Variants in CHIA observed in about 807,000 individuals in gnomAD.
CHIA encodes the protein acidic mammalian chitinase.
CHIA carries 47 observed loss-of-function variants against 53.5 expected under a neutral mutation model. The observed-to-expected ratio is 0.88, with a 90% confidence interval of 0.70 to 1.12. The LOEUF is 1.12. CHIA is among the 50% of genes most tolerant of loss of function. The probability of loss-of-function intolerance (pLI) is 0.00; values close to 1 mark genes in which losing one functional copy is unlikely to be tolerated. For missense variants in CHIA, 652 were observed against 592.2 expected, an observed-to-expected ratio of 1.10 and a Z score of -1.05; for synonymous variants, 268 against 222.2, an observed-to-expected ratio of 1.21 and a Z score of -1.83.
At position 111,315,355 on chromosome 1, in the gene CHIA, G is replaced by C. The variant is rs551479392; in HGVS notation, c.400G>C (p.Gly134Arg). The change falls in exon 6 of 12, where the codon GGG becomes CGG. Residue 134 changes from glycine to arginine, a missense_variant. Transcript: ENST00000369740. Reference sequence around the variant, plus strand: ...ATTCCTGCGCCAGTATGAGTTTGACGGGCTGGACTTTGACTGGGAGTACCC... The same window carrying C: ...ATTCCTGCGCCAGTATGAGTTTGACCGGCTGGACTTTGACTGGGAGTACCC... The part of the protein sequence containing the change: ...IKFLRQYEFD[G>R]LDFDWEYPGS... 10 of 1,613,974 alleles carry C rather than the reference G, an allele frequency of 6.2e-6. No homozygotes were observed. The highest frequency in any genetic ancestry group is 1.1e-5 in the South Asian group (1 of 91,070).
chr1:111,318,715 C>A (rs749982063), intron 9 of CHIA, 37 bp downstream of exon 9: 1 of 1,583,946 alleles, frequency 6.3e-7, no homozygotes, highest in South Asian at 1.1e-5. Context: ...CTGTGAATTC[C>A]GTGCACTGTG....
intron 11 of CHIA, 83 bp from the exon 12 acceptor site, chr1:111,320,130 C>T: frequency 7.6e-7 from 1 of 1,312,886 alleles, no homozygotes; most frequent in Admixed American, 1.9e-5. Flanking sequence ...CACACTTCCA[C>T]TCCCACAGTT....
intron 5 of CHIA, chr1:111,314,904 C>T (rs1359537201): frequency 2.6e-6 from 1 of 391,680 alleles, no homozygotes; most frequent in Non-Finnish European, 4.6e-6. Context: ...TATAATGCTT[C>T]CCTCTATTTA....
Position 111,318,671 on chromosome 1 carries a change from A to C in CHIA, c.908A>C (p.Tyr303Ser). The part of the protein sequence containing the change: ...PYAKESGIWA[Y>S]YEICTFLKNG... ...GCCAAGGAGTCTGGGATCTGGGCTT[A>C]CTACGAGGTATGTAGATTGGACTGA... Residue 303 changes from tyrosine to serine, a missense_variant, in exon 9 of 12, where the codon TAC becomes TCC. Transcript: ENST00000369740. 6.2e-7 allele frequency: 1 copy of C among 1,613,358 alleles called. No individual in the cohort carries two copies. The highest frequency in any genetic ancestry group is 2.2e-5 in the East Asian group (1 of 44,884).
chr1:111,294,166 A>T (rs1661201769), intron 1 of CHIA, among the ~76,000 whole-genome samples: 1 of 152,200 alleles, frequency 6.6e-6, no homozygotes, highest in South Asian at 2.1e-4. Flanking sequence ...TAGTATAGAC[A>T]TTTTAACAAT....
Position 111,296,124 on chromosome 1 carries a change from G to A in CHIA, c.-69+5174G>A, listed in dbSNP as rs531336881. Among the ~76,000 whole-genome samples the A allele has an allele frequency of 2.6e-5, 4 of 152,338 alleles. No homozygotes were observed. The East Asian group carries it at 5.8e-4, about 22-fold the overall frequency. On this transcript the variant is annotated intron_variant, in intron 1 of 11. Coordinates refer to ENST00000369740, the MANE Select transcript of CHIA (RefSeq NM_201653.4). ...GGCTGCCTCTATAGACTCCACCTCT[G>A]GGGGCAGGGCATAGCTGAACAAAAG... is the stretch of plus-strand genomic sequence containing the variant.
chr1:111,297,433 A>G (rs1297748005), intron 1 of CHIA, among the ~76,000 whole-genome samples: 2 of 152,236 alleles, frequency 1.3e-5, no homozygotes, highest in Non-Finnish European at 2.9e-5. Context: ...ACATTCTTAA[A>G]TAAAAGAATT....
intron 1 of CHIA, among the ~76,000 whole-genome samples, chr1:111,306,986 C>T (rs1476986781): frequency 2.0e-5 from 3 of 152,170 alleles, no homozygotes; most frequent in African/African-American, 7.2e-5. Flanking sequence ...TAGGAATTCT[C>T]ATACGTTGCT....
intron 1 of CHIA, among the ~76,000 whole-genome samples, chr1:111,297,901 C>CAAAAAAAAAAAAAAAAAAAGAAAAA (rs1647317250): frequency 3.1e-5 from 1 of 31,854 alleles, no homozygotes; most frequent in South Asian, 2.3e-3. Context: ...AAATGGAAAG[C>CAAAAAAAAAAAAAAAAAAAGAAAAA]AAAAAAAAAA....
chr1:111,310,299 G>A (rs1389637755), intron 1 of CHIA, 101 bp from the exon 2 acceptor site: 4 of 1,336,086 alleles, frequency 3.0e-6, no homozygotes, highest in Non-Finnish European at 4.0e-6. Context: ...GTGGTGGGAG[G>A]GTGTAGGTTG....
At chr1:111,298,602 A>T (rs990563991) in intron 1 of CHIA, among the ~76,000 whole-genome samples, 6 of 152,210 alleles carry the variant, frequency 3.9e-5, no homozygotes, top group Admixed American at 3.9e-4. Flanking sequence ...GTAGAGGGAA[A>T]TTTATAGCAC....
chr1:111,311,302 A>T (rs565606067), intron 2 of CHIA, among the ~76,000 whole-genome samples: 15 of 152,352 alleles, frequency 9.8e-5, no homozygotes, highest in African/African-American at 3.1e-4. Context: ...GAATTCTCTG[A>T]TTTAGCAGAT....
At chr1:111,312,995 T>A (rs1252205494) in intron 4 of CHIA, among the ~76,000 whole-genome samples, 1 of 151,872 alleles carries the variant, frequency 6.6e-6, no homozygotes, top group Non-Finnish European at 1.5e-5. Flanking sequence ...GCCTCTTTTT[T>A]AAGACTTAAT....
chr1:111,315,667 A>T (rs543301824), intron 6 of CHIA: 2 of 585,784 alleles, frequency 3.4e-6, no homozygotes, highest in South Asian at 1.8e-5. Flanking sequence ...AAGAACCATA[A>T]CTCATTTCAT....
At chr1:111,315,814 A>C (rs758664538) in intron 6 of CHIA, 14 of 458,646 alleles carry the variant, frequency 3.1e-5, no homozygotes, top group Non-Finnish European at 1.3e-5. Context: ...CTTCCTCTGC[A>C]GTTTGGCCAC....
At chr1:111,300,203 A>G (rs1647601371) in intron 1 of CHIA, among the ~76,000 whole-genome samples, 1 of 152,154 alleles carries the variant, frequency 6.6e-6, no homozygotes. Context: ...GCTACCAATG[A>G]CTTTCTTTAC....
chr1:111,313,299 T>C (rs564916141), intron 4 of CHIA, among the ~76,000 whole-genome samples: 2 of 152,176 alleles, frequency 1.3e-5, no homozygotes, highest in African/African-American at 2.4e-5. Context: ...TTTTTTTCCA[T>C]GTCTTTTCCA....
chr1:111,307,734 C>T lies in CHIA; in HGVS notation c.-68-2666C>T, dbSNP rs545508177. Among the ~76,000 whole-genome samples the T allele has an allele frequency of 2.6e-5, 4 of 151,982 alleles. No homozygotes were observed. In the South Asian group the frequency reaches 8.3e-4, roughly 32 times the overall value. ...TCAGCTCACTGCAACCTCCGCCTCC[C>T]GGGTTCCAGCAATTCTCCTGCCTTA... is the stretch of plus-strand genomic sequence containing the variant. On this transcript the variant is annotated intron_variant, in intron 1 of 11. Transcript: ENST00000369740.
At chr1:111,303,870 T>A (rs1439808717) in intron 1 of CHIA, among the ~76,000 whole-genome samples, 1 of 152,234 alleles carries the variant, frequency 6.6e-6, no homozygotes, top group East Asian at 1.9e-4. Flanking sequence ...TGCTGTCTAG[T>A]GTCTGTTTAT....
Sources: gnomAD v4.1 joint callset for allele counts (sites outside exome capture counted in the v4.1 genomes callset) on GRCh38, gnomAD v4.1.1 for gene constraint, MANE v1.5 for transcripts, NCBI Gene and HGNC (gene_info 2026-07-23, HGNC 2026-07-21) for gene names.